Variants in RBFOX1 observed in about 807,000 individuals in gnomAD.
RBFOX1 encodes RNA binding fox-1 homolog 1, also known as RNA binding protein fox-1 homolog 1.
A neutral mutation model predicts 57.7 loss-of-function variants in RBFOX1; 8 were observed. The observed-to-expected ratio is 0.14, with a 90% CI of 0.08 to 0.25. RBFOX1 has a LOEUF of 0.25. Ranked by LOEUF, RBFOX1 falls within the 10% of genes least tolerant of loss-of-function variation. The probability of loss-of-function intolerance (pLI) is 1.00; values close to 1 mark genes in which losing one functional copy is unlikely to be tolerated. For synonymous variants in RBFOX1, 326 were observed against 222.4 expected (o/e 1.47, Z -4.15); for missense variants, 611 against 548.5 (o/e 1.11, Z -1.14).
At chr16:6,781,138 A>C (rs569210930) in intron 3 of RBFOX1, among the ~76,000 whole-genome samples, 1 of 152,246 alleles carries the variant, frequency 6.6e-6, no homozygotes, top group East Asian at 1.9e-4. Context: ...TCTTACATTA[A>C]ATTCTTTAAT....
chr16:6,255,982 A>C (rs1379036077), intron 1 of RBFOX1, among the ~76,000 whole-genome samples: 1 of 151,346 alleles, frequency 6.6e-6, no homozygotes, highest in Non-Finnish European at 1.5e-5. Flanking sequence ...GGGTGCAGCA[A>C]ACCACCATGG....
intron 6 of RBFOX1, among the ~76,000 whole-genome samples, chr16:7,580,985 T>C (rs1205773892): frequency 6.6e-6 from 1 of 151,920 alleles, no homozygotes; most frequent in Non-Finnish European, 1.5e-5. Flanking sequence ...CTTGAATGCC[T>C]CATTCCTAGC....
intron 1 of RBFOX1, among the ~76,000 whole-genome samples, chr16:5,321,247 G>T (rs1425884665): frequency 6.6e-6 from 1 of 152,132 alleles, no homozygotes. Context: ...AATGTCTCCT[G>T]AGGGGTGGGA....
rs562952259 is a variant in RBFOX1 at position 5,376,500 on chromosome 16, G to T, written c.220-90716G>T. On this transcript the variant is annotated intron_variant, in intron 1 of 2. Coordinates refer to the RBFOX1 transcript ENST00000585867. ...AGAAGGGTTAGGGATGGAGACCAGG[G>T]ATGAGCAGACAGGGCAGTGGGAGAG... 5.9e-5 allele frequency among the ~76,000 whole-genome samples: 9 copies of T among 152,294 alleles called. No homozygotes were observed. The East Asian group carries it at 1.5e-3, about 26-fold the overall frequency.
At chr16:7,640,789 C>G (rs1257028694) in intron 11 of RBFOX1, among the ~76,000 whole-genome samples, 2 of 152,052 alleles carry the variant, frequency 1.3e-5, no homozygotes, top group African/African-American at 4.8e-5. Context: ...CCTCATCCGG[C>G]CTCATCAGAG....
At chr16:6,888,218 A>G (rs2064580570) in intron 3 of RBFOX1, among the ~76,000 whole-genome samples, 1 of 152,214 alleles carries the variant, frequency 6.6e-6, no homozygotes, top group African/African-American at 2.4e-5. Flanking sequence ...TAACTTTTGT[A>G]AAACCAATGA....
chr16:6,487,888 C>A (rs2095541569), intron 2 of RBFOX1, among the ~76,000 whole-genome samples: 1 of 151,522 alleles, frequency 6.6e-6, no homozygotes, highest in Non-Finnish European at 1.5e-5. Flanking sequence ...TTTCCTTACA[C>A]ACTAATTAGT....
chr16:5,738,224 C>T (rs775989749), intron 3 of RBFOX1, among the ~76,000 whole-genome samples: 7 of 152,078 alleles, frequency 4.6e-5, no homozygotes, highest in African/African-American at 7.2e-5. Flanking sequence ...TTGTCACATG[C>T]AGAGAATGTG....
chr16:6,043,778 C>G (rs2095467709), intron 1 of RBFOX1, among the ~76,000 whole-genome samples: 1 of 152,090 alleles, frequency 6.6e-6, no homozygotes, highest in African/African-American at 2.4e-5. Flanking sequence ...CAGCTGAGTT[C>G]TGCTTATGGG....
intron 4 of RBFOX1, among the ~76,000 whole-genome samples, chr16:7,478,869 G>T (rs2063286890): frequency 6.6e-6 from 1 of 152,160 alleles, no homozygotes; most frequent in South Asian, 2.1e-4. Flanking sequence ...CCTTGAAATA[G>T]CTCTGTTGCA....
rs546624831 is a variant in RBFOX1 at position 7,245,394 on chromosome 16, A to G, written c.27+193296A>G. 2.0e-5 allele frequency among the ~76,000 whole-genome samples: 3 copies of G among 152,236 alleles called. No individual in the cohort carries two copies. In the East Asian group the frequency reaches 5.8e-4, roughly 29 times the overall value. ...TTCATTGCATAGGTAAACATGTGCC[A>G]TGGTTGTTTGCTGTACCTATCAACC... On this transcript the variant is annotated intron_variant, in intron 4 of 15. Coordinates refer to ENST00000550418, the MANE Select transcript of RBFOX1 (RefSeq NM_018723.4).
chr16:6,814,165 A>G (rs1355773854), intron 3 of RBFOX1, among the ~76,000 whole-genome samples: 3 of 150,394 alleles, frequency 2.0e-5, no homozygotes, highest in Admixed American at 6.7e-5. Flanking sequence ...AAACAAGCCA[A>G]TATTCTGAGA....
At chr16:5,855,117 T>A (rs1205786712) in intron 3 of RBFOX1, among the ~76,000 whole-genome samples, 2 of 152,258 alleles carry the variant, frequency 1.3e-5, no homozygotes, top group Admixed American at 1.3e-4. Context: ...TCATATATTT[T>A]GAATATTATC....
At chr16:5,365,218 C>G (rs929202169) in intron 1 of RBFOX1, among the ~76,000 whole-genome samples, 1 of 152,094 alleles carries the variant, frequency 6.6e-6, no homozygotes, top group Admixed American at 6.5e-5. Context: ...GGTTGAGGGT[C>G]GTTCTGGGAG....
chr16:6,502,287 C>G (rs1201349392), intron 2 of RBFOX1, among the ~76,000 whole-genome samples: 3 of 152,068 alleles, frequency 2.0e-5, no homozygotes, highest in East Asian at 1.9e-4. Flanking sequence ...CATCAGAACC[C>G]CTGATCTACC....
At chr16:6,808,715 C>G (rs533378794) in intron 3 of RBFOX1, among the ~76,000 whole-genome samples, 24 of 152,246 alleles carry the variant, frequency 1.6e-4, no homozygotes, top group African/African-American at 5.8e-4. Context: ...CCTCTGCCCC[C>G]AGGTAATACT....
At chr16:7,555,094 A>T (rs563148504) in intron 5 of RBFOX1, among the ~76,000 whole-genome samples, 47 of 152,294 alleles carry the variant, frequency 3.1e-4, no homozygotes, top group African/African-American at 1.1e-3. Context: ...GAGTAGGGTA[A>T]GGGGGGGTTT....
intron 4 of RBFOX1, among the ~76,000 whole-genome samples, chr16:5,959,005 G>A (rs1364331828): frequency 6.6e-6 from 1 of 152,182 alleles, no homozygotes; most frequent in South Asian, 2.1e-4. Flanking sequence ...CAGGGATTAG[G>A]ATGTGAACAT....
At chr16:5,252,226 G>T (rs2062470463) in intron 1 of RBFOX1, among the ~76,000 whole-genome samples, 1 of 152,198 alleles carries the variant, frequency 6.6e-6, no homozygotes, top group African/African-American at 2.4e-5. Context: ...GTGTGAGCAC[G>T]GCTGTGGTTT....
Sources: allele counts gnomAD v4.1 joint callset (sites outside exome capture counted in the v4.1 genomes callset), GRCh38; gene constraint gnomAD v4.1.1; transcripts MANE v1.5; gene names NCBI Gene and HGNC (gene_info 2026-07-23, HGNC 2026-07-21).